The following TMEM114 variants were observed in gnomAD, a reference collection of about 807,000 sequenced individuals.
The protein encoded by TMEM114 is claudin-26.
TMEM114 carries 6 observed loss-of-function variants against 6.2 expected under a neutral mutation model. That is an observed-to-expected ratio of 0.97 (90% CI 0.53 to 1.91). TMEM114 has a LOEUF of 1.91. TMEM114 is among the 40% of genes most tolerant of loss of function. The pLI is 0.01. For missense variants in TMEM114, 218 were observed against 158.3 expected (o/e 1.38, Z -2.02); for synonymous variants, 104 against 73.0 (o/e 1.42, Z -2.16).
chr16:8,528,622 G>C, the TMEM114 span, among the ~76,000 whole-genome samples: 4 of 152,132 alleles, frequency 2.6e-5, no homozygotes. Flanking sequence ...ACATAATGAG[G>C]GGATAACCCG....
downstream of TMEM114, among the ~76,000 whole-genome samples, chr16:8,533,424 G>C (rs369971620): frequency 2.0e-5 from 3 of 152,328 alleles, no homozygotes; most frequent in African/African-American, 7.2e-5. Flanking sequence ...CAAGGCCTGT[G>C]TGGATGGAGT....
At chr16:8,547,124 C>A (rs965278055) in intron 2 of TMEM114, among the ~76,000 whole-genome samples, 1 of 152,134 alleles carries the variant, frequency 6.6e-6, no homozygotes, top group Non-Finnish European at 1.5e-5. Context: ...CGTGTGGTCT[C>A]ATTGACAGCA....
chr16:8,530,243 A>G, the TMEM114 span, among the ~76,000 whole-genome samples: 6 of 152,300 alleles, frequency 3.9e-5, no homozygotes, highest in Non-Finnish European at 7.4e-5. Context: ...TCAGCAAAGT[A>G]TCTGAGATGA....
chr16:8,564,270 T>TG (rs1410941331), intron 2 of TMEM114, among the ~76,000 whole-genome samples: 1 of 97,562 alleles, frequency 1.0e-5, no homozygotes, highest in African/African-American at 3.3e-5. Context: ...AGTGATGAAA[T>TG]AAGTGAATGA....
chr16:8,575,364 C>G (rs556631530), intron 2 of TMEM114, among the ~76,000 whole-genome samples: 1 of 152,230 alleles, frequency 6.6e-6, no homozygotes, highest in South Asian at 2.1e-4. Context: ...AAGTCGCAGA[C>G]AGTTCCTCTC....
chr16:8,567,041 C>G (rs1456052611), downstream of TMEM114, among the ~76,000 whole-genome samples: 4 of 150,102 alleles, frequency 2.7e-5, no homozygotes, highest in Non-Finnish European at 5.9e-5. Flanking sequence ...GCTGGGATTA[C>G]AGGCGCGTGT....
the TMEM114 span, among the ~76,000 whole-genome samples, chr16:8,528,884 G>T: frequency 6.6e-6 from 1 of 152,140 alleles, no homozygotes; most frequent in African/African-American, 2.4e-5. Context: ...TGGTAGGGGG[G>T]ATATTTTGCC....
intron 2 of TMEM114, among the ~76,000 whole-genome samples, chr16:8,538,116 T>G (rs1900413992): frequency 8.8e-6 from 1 of 113,574 alleles, no homozygotes; most frequent in East Asian, 2.4e-4. Flanking sequence ...CTGGACAGCA[T>G]GGTGTGACTG....
the TMEM114 span, among the ~76,000 whole-genome samples, chr16:8,528,066 G>T: frequency 6.6e-6 from 1 of 152,136 alleles, no homozygotes; most frequent in South Asian, 2.1e-4. Flanking sequence ...GTGCCACCAT[G>T]CCCGGCTAAG....
rs1901664254 is a variant in TMEM114 at position 8,569,791 on chromosome 16, C to T, written c.654G>A (p.Arg218=). The T allele has an allele frequency of 6.4e-7, 1 of 1,550,548 alleles. No individual in the cohort carries two copies. The highest frequency in any genetic ancestry group is 8.7e-7 in the Non-Finnish European group (1 of 1,146,836). The change falls in exon 4 of 4, where the codon AGG becomes AGA. Residue 218 remains arginine, a synonymous_variant. Transcript: ENST00000620492. The part of the protein sequence containing the change: ...AAARELSLRR[R]QDQAI ...CCCAGGCTCATATGGCCTGGTCCTG[C>T]CTCCGTCTCAGGCTGAGCTCGCGGG...
downstream of TMEM114, among the ~76,000 whole-genome samples, chr16:8,564,834 GGAATGAGTGAGT>G (rs1235664633): frequency 3.0e-5 from 3 of 99,894 alleles, no homozygotes; most frequent in South Asian, 3.4e-4. Context: ...AGTGATGGAG[GGAATGAGTGAGT>G]GAATGAGTGA....
intron 2 of TMEM114, among the ~76,000 whole-genome samples, chr16:8,573,574 G>GT (rs35282264): frequency 0.099 from 14,781 of 149,896 alleles, 849 homozygotes; most frequent in South Asian, 0.15. Flanking sequence ...CAAGTGCAAA[G>GT]TTTTTTTTTT....
downstream of TMEM114, among the ~76,000 whole-genome samples, chr16:8,534,809 A>C (rs932458574): frequency 7.9e-5 from 12 of 152,238 alleles, no homozygotes; most frequent in Non-Finnish European, 1.8e-4. Context: ...ACTCCTAGAT[A>C]CTGGCTGTGG....
intron 2 of TMEM114, among the ~76,000 whole-genome samples, chr16:8,564,055 G>C (rs899381648): frequency 4.6e-5 from 7 of 151,378 alleles, no homozygotes; most frequent in Admixed American, 3.9e-4. Flanking sequence ...GTGAGTGAAT[G>C]AGTAAATGAG....
At chr16:8,535,778 A>T (rs148375259), downstream of TMEM114, among the ~76,000 whole-genome samples, 22 of 152,282 alleles carry the variant, frequency 1.4e-4, no homozygotes, top group African/African-American at 5.3e-4. Flanking sequence ...CTGCGTAGGG[A>T]GCCCTGCCAT....
chr16:8,549,600 T>G (rs1436626320), intron 2 of TMEM114, among the ~76,000 whole-genome samples: 1 of 152,146 alleles, frequency 6.6e-6, no homozygotes, highest in African/African-American at 2.4e-5. Context: ...GTTCAACCTT[T>G]TATTCCAAGA....
At chr16:8,588,482 C>T (rs1401721501) in intron 2 of TMEM114, among the ~76,000 whole-genome samples, 4 of 152,148 alleles carry the variant, frequency 2.6e-5, no homozygotes, top group African/African-American at 7.2e-5. Context: ...GTTCGCTCCA[C>T]GTCTGGCTTA....
downstream of TMEM114, among the ~76,000 whole-genome samples, chr16:8,534,352 G>GA (rs151135400): frequency 0.028 from 4,114 of 148,654 alleles, 175 homozygotes; most frequent in African/African-American, 0.094. Flanking sequence ...TTGCTTATTT[G>GA]AAAAAAAAAA....
chr16:8,543,595 G>T (rs1244516189), intron 2 of TMEM114, among the ~76,000 whole-genome samples: 1 of 151,826 alleles, frequency 6.6e-6, no homozygotes, highest in Non-Finnish European at 1.5e-5. Context: ...TTAAAACTCA[G>T]CTCAGATGTC....
Sources: gnomAD v4.1 joint callset for allele counts (sites outside exome capture counted in the v4.1 genomes callset) on GRCh38, gnomAD v4.1.1 for gene constraint, MANE v1.5 for transcripts, NCBI Gene and HGNC (gene_info 2026-07-23, HGNC 2026-07-21) for gene names.